The following NBEA variants were observed in gnomAD, a reference collection of about 807,000 sequenced individuals.
NBEA encodes the protein neurobeachin.
In NBEA, 44 loss-of-function variants were observed where a neutral mutation model predicts 343.4. That is an observed-to-expected ratio of 0.13 (90% CI 0.10 to 0.16). NBEA has a LOEUF of 0.16. Ranked by LOEUF, NBEA falls within the 10% of genes least tolerant of loss-of-function variation. NBEA has a pLI of 1.00. For synonymous variants in NBEA, 1,175 were observed against 1,238.7 expected, an observed-to-expected ratio of 0.95 and a Z score of 1.08; for missense variants, 2,555 against 3,631.3, an observed-to-expected ratio of 0.70 and a Z score of 7.62.
chr13:35,049,829 A>C (rs978268963), intron 5 of NBEA, among the ~76,000 whole-genome samples: 16 of 151,738 alleles, frequency 1.1e-4, no homozygotes, highest in African/African-American at 3.9e-4. Context: ...TCATTTATCA[A>C]ACTTGACTCT....
intron 38 of NBEA, among the ~76,000 whole-genome samples, chr13:35,405,170 A>C (rs1463888067): frequency 6.6e-6 from 1 of 152,196 alleles, no homozygotes; most frequent in Non-Finnish European, 1.5e-5. Flanking sequence ...AGAAATGCAA[A>C]AATACATGCA....
chr13:35,586,740 G>A (rs1193157230), intron 46 of NBEA, among the ~76,000 whole-genome samples: 1 of 152,026 alleles, frequency 6.6e-6, no homozygotes, highest in Non-Finnish European at 1.5e-5. Flanking sequence ...TCTCTATAAA[G>A]CAATCAGAAC....
At chr13:35,028,767 A>G (rs1176893962) in intron 1 of NBEA, among the ~76,000 whole-genome samples, 1 of 151,450 alleles carries the variant, frequency 6.6e-6, no homozygotes, top group African/African-American at 2.4e-5. Context: ...TCATTAGGCA[A>G]TACCCCCACA....
At chr13:35,227,722 G>A (rs910586776) in intron 33 of NBEA, among the ~76,000 whole-genome samples, 22 of 151,896 alleles carry the variant, frequency 1.4e-4, no homozygotes, top group African/African-American at 5.1e-4. Context: ...ATTGTGCTAA[G>A]TACCTAGGAG....
At chr13:35,266,294 T>TA in intron 34 of NBEA, among the ~76,000 whole-genome samples, 1 of 151,988 alleles carries the variant, frequency 6.6e-6, no homozygotes, top group East Asian at 1.9e-4. Context: ...TTCAAAAACC[T>TA]AAAAACAGAA....
chr13:35,050,758 C>G (rs933243950), intron 6 of NBEA, among the ~76,000 whole-genome samples: 1 of 151,910 alleles, frequency 6.6e-6, no homozygotes, highest in Non-Finnish European at 1.5e-5. Flanking sequence ...CCAGATTAAG[C>G]AATGCACAGA....
At chr13:35,183,482 GGA>G (rs2071457652) in intron 29 of NBEA, among the ~76,000 whole-genome samples, 1 of 151,956 alleles carries the variant, frequency 6.6e-6, no homozygotes, top group Admixed American at 6.6e-5. Flanking sequence ...TTGATGTCAT[GGA>G]GATATGGATT....
intron 1 of NBEA, among the ~76,000 whole-genome samples, chr13:35,020,680 G>C (rs1021557297): frequency 6.6e-6 from 1 of 152,088 alleles, no homozygotes; most frequent in Non-Finnish European, 1.5e-5. Context: ...ACCACACCCA[G>C]CTAATTTTCT....
At chr13:35,537,243 A>G (rs1051336345) in intron 41 of NBEA, among the ~76,000 whole-genome samples, 1 of 152,114 alleles carries the variant, frequency 6.6e-6, no homozygotes, top group Non-Finnish European at 1.5e-5. Context: ...ACATAGCACC[A>G]ATTACTCTGT....
At chr13:35,415,631 C>T (rs566743235) in intron 38 of NBEA, among the ~76,000 whole-genome samples, 1 of 152,216 alleles carries the variant, frequency 6.6e-6, no homozygotes, top group East Asian at 1.9e-4. Context: ...GTTTTGGTTA[C>T]TGTAGCCTTG....
At position 35,156,224 on chromosome 13, in the gene NBEA, TG is replaced by T; in HGVS notation, c.2651+19del. On this transcript the variant is annotated intron_variant, in intron 20 of 58. Coordinates refer to ENST00000379939, the MANE Select transcript of NBEA (RefSeq NM_001385012.1). ...AATAGAAGGTAAGCAGTTTGGATAC[TG>T]TAACAACACTTTATTCCATAATTAA... The T allele has an allele frequency of 6.5e-7, 1 of 1,545,534 alleles. No homozygotes were observed. The highest frequency in any genetic ancestry group is 8.7e-7 in the Non-Finnish European group (1 of 1,147,278).
chr13:35,214,727 A>G (rs1250129873), intron 33 of NBEA, among the ~76,000 whole-genome samples: 1 of 151,770 alleles, frequency 6.6e-6, no homozygotes, highest in Non-Finnish European at 1.5e-5. Flanking sequence ...TTCGTCTTTT[A>G]TGATTTGTGC....
At chr13:35,199,378 G>A (rs920708670) in intron 31 of NBEA, among the ~76,000 whole-genome samples, 7 of 152,036 alleles carry the variant, frequency 4.6e-5, no homozygotes, top group African/African-American at 1.4e-4. Flanking sequence ...GAATGCTACC[G>A]GTTTCAAACA....
chr13:35,222,049 T>C (rs1450543972), intron 33 of NBEA, among the ~76,000 whole-genome samples: 1 of 152,182 alleles, frequency 6.6e-6, no homozygotes, highest in Non-Finnish European at 1.5e-5. Context: ...TGCCTATTAC[T>C]AAAGGTAGAA....
At chr13:35,245,229 T>C (rs1464010750) in intron 34 of NBEA, among the ~76,000 whole-genome samples, 1 of 152,160 alleles carries the variant, frequency 6.6e-6, no homozygotes, top group African/African-American at 2.4e-5. Context: ...AGATACTTGT[T>C]TGGTGAATTC....
At chr13:35,584,138 A>G in intron 46 of NBEA, 100 bp downstream of exon 46, 1 of 1,157,224 alleles carries the variant, frequency 8.6e-7, no homozygotes, top group Non-Finnish European at 1.3e-6. Flanking sequence ...ATTAACAAAG[A>G]TTAGAGACGA....
At chr13:35,665,243 A>G in intron 56 of NBEA, 57 bp downstream of exon 56, 1 of 1,352,202 alleles carries the variant, frequency 7.4e-7, no homozygotes, top group South Asian at 1.3e-5. Context: ...TTCTCACACT[A>G]AGCGTGATTG....
intron 38 of NBEA, among the ~76,000 whole-genome samples, chr13:35,415,981 A>T (rs556562353): frequency 6.6e-6 from 1 of 152,142 alleles, no homozygotes; most frequent in East Asian, 1.9e-4. Context: ...TAGGCATTTT[A>T]TTCTCTTTGA....
chr13:34,965,165 G>T (rs2059780994), intron 1 of NBEA, among the ~76,000 whole-genome samples: 1 of 152,002 alleles, frequency 6.6e-6, no homozygotes, highest in Non-Finnish European at 1.5e-5. Context: ...CTAGGTAGTT[G>T]ATGGGAGCAT....
Sources: allele counts gnomAD v4.1 joint callset (sites outside exome capture counted in the v4.1 genomes callset), GRCh38; gene constraint gnomAD v4.1.1; transcripts MANE v1.5; gene names NCBI Gene and HGNC (gene_info 2026-07-23, HGNC 2026-07-21).